Variants in TMEM182 observed in about 807,000 individuals in gnomAD.
TMEM182 encodes transmembrane protein 182.
TMEM182 carries 20 observed loss-of-function variants against 26.8 expected under a neutral mutation model. That is an observed-to-expected ratio of 0.75 (90% CI 0.53 to 1.09). The LOEUF is 1.09. Ranked by LOEUF, TMEM182 falls within the 50% of genes least tolerant of loss-of-function variation. TMEM182 has a pLI of 0.00. For missense variants in TMEM182, 277 were observed against 275.5 expected (o/e 1.01, Z -0.04); for synonymous variants, 109 against 102.2 (o/e 1.07, Z -0.40).
At chr2:102,737,898 A>G (rs1170012381) in intron 1 of TMEM182, among the ~76,000 whole-genome samples, 3 of 152,202 alleles carry the variant, frequency 2.0e-5, no homozygotes, top group Admixed American at 6.5e-5. Context: ...CAAAATCTCA[A>G]TTTACTTGTG....
At chr2:102,803,076 C>A (rs1682213813) in intron 4 of TMEM182, among the ~76,000 whole-genome samples, 1 of 152,168 alleles carries the variant, frequency 6.6e-6, no homozygotes, top group African/African-American at 2.4e-5. Flanking sequence ...GCCCCTATTC[C>A]AGGTCCAGGA....
chr2:102,821,608 A>G (rs1404885397), downstream of TMEM182, among the ~76,000 whole-genome samples: 1 of 152,112 alleles, frequency 6.6e-6, no homozygotes, highest in Non-Finnish European at 1.5e-5. Flanking sequence ...TTTATAAATC[A>G]CACAGTCTCG....
intron 3 of TMEM182, among the ~76,000 whole-genome samples, chr2:102,779,673 G>A (rs1335797293): frequency 6.6e-6 from 1 of 151,510 alleles, no homozygotes; most frequent in African/African-American, 2.4e-5. Context: ...TTTCCATTTG[G>A]TTCTTCATAC....
intron 1 of TMEM182, among the ~76,000 whole-genome samples, chr2:102,756,398 C>A (rs932958852): frequency 1.1e-4 from 17 of 152,130 alleles, no homozygotes; most frequent in Non-Finnish European, 2.2e-4. Context: ...AGCAGTATTC[C>A]CATTTTCCAT....
chr2:102,796,994 T>G (rs1681897347), intron 3 of TMEM182, among the ~76,000 whole-genome samples: 1 of 152,248 alleles, frequency 6.6e-6, no homozygotes, highest in Non-Finnish European at 1.5e-5. Context: ...TATTTTAGCT[T>G]TTTATCCTTT....
chr2:102,805,902 C>G (rs180741958), intron 4 of TMEM182, among the ~76,000 whole-genome samples: 1 of 151,964 alleles, frequency 6.6e-6, no homozygotes, highest in Non-Finnish European at 1.5e-5. Flanking sequence ...GAGATCCTGT[C>G]TCTAAAAAAA....
chr2:102,813,803 T>C (rs1682639475), intron 4 of TMEM182, among the ~76,000 whole-genome samples: 1 of 152,150 alleles, frequency 6.6e-6, no homozygotes, highest in South Asian at 2.1e-4. Context: ...CCAAGAGTGT[T>C]TGGAACCAGT....
chr2:102,809,693 T>G (rs1448814587), intron 4 of TMEM182, among the ~76,000 whole-genome samples: 1 of 152,226 alleles, frequency 6.6e-6, no homozygotes, highest in Non-Finnish European at 1.5e-5. Context: ...CCATCCTCTG[T>G]TGAAAATAGC....
chr2:102,742,717 A>T (rs534732346), intron 1 of TMEM182, among the ~76,000 whole-genome samples: 1 of 152,348 alleles, frequency 6.6e-6, no homozygotes, highest in South Asian at 2.1e-4. Flanking sequence ...AGGATAGAAA[A>T]TACAACTGTT....
intron 3 of TMEM182, among the ~76,000 whole-genome samples, chr2:102,766,974 G>A (rs1325860039): frequency 6.6e-6 from 1 of 152,176 alleles, no homozygotes; most frequent in African/African-American, 2.4e-5. Flanking sequence ...AGGAGACTGG[G>A]AATCAGAGAA....
At chr2:102,742,272 G>C (rs1679565829) in intron 1 of TMEM182, among the ~76,000 whole-genome samples, 1 of 152,090 alleles carries the variant, frequency 6.6e-6, no homozygotes, top group South Asian at 2.1e-4. Context: ...CAGTAGATTG[G>C]ATATAACCAG....
chr2:102,817,749 A>G (rs375424928), downstream of TMEM182: 135 of 975,092 alleles, frequency 1.4e-4, no homozygotes, highest in South Asian at 5.3e-3. Flanking sequence ...ATGTCTGTGT[A>G]TATTTGTGTG....
intron 3 of TMEM182, among the ~76,000 whole-genome samples, chr2:102,841,257 G>T (rs531323354): frequency 6.6e-6 from 1 of 152,184 alleles, no homozygotes; most frequent in African/African-American, 2.4e-5. Flanking sequence ...GGGCACCAGG[G>T]TCTGGGTATT....
Position 102,762,116 on chromosome 2 carries a change from ATT to A in TMEM182, c.-101_-100del, listed in dbSNP as rs1680235216. 1 of 1,036,670 alleles carries A rather than the reference ATT, an allele frequency of 9.6e-7. No individual in the cohort carries two copies. The allele number at this position is 1,036,670 out of a possible 1,614,324, so 64.2% of individuals were successfully genotyped here. A position where few individuals can be genotyped will look rare whatever the true frequency, so the allele number is the denominator to read the frequency against. On this transcript the variant is annotated 5_prime_UTR_variant, in exon 1 of 5. Coordinates refer to ENST00000412401, the MANE Select transcript of TMEM182 (RefSeq NM_144632.5). ...AAGAAGATTCTGCCAACTCAAAAAT[ATT>A]ATTCTTTTTTTTTTTTTTTTGCTGT...
At chr2:102,765,123 T>C (rs1316762894) in intron 3 of TMEM182, among the ~76,000 whole-genome samples, 1 of 152,088 alleles carries the variant, frequency 6.6e-6, no homozygotes, top group East Asian at 1.9e-4. Context: ...AGAGAAACAA[T>C]AGAACACATA....
At chr2:102,786,725 G>A (rs1681410599) in intron 3 of TMEM182, among the ~76,000 whole-genome samples, 1 of 152,082 alleles carries the variant, frequency 6.6e-6, no homozygotes, top group African/African-American at 2.4e-5. Flanking sequence ...ATTAACCTTG[G>A]GATTACAGGG....
At chr2:102,753,537 AT>A (rs11287442) in intron 1 of TMEM182, among the ~76,000 whole-genome samples, 70,193 of 151,694 alleles carry the variant, frequency 0.46, 16,738 homozygotes, top group African/African-American at 0.58. Context: ...ATGTATTTTT[AT>A]TTTTTAAAAA....
intron 3 of TMEM182, among the ~76,000 whole-genome samples, chr2:102,780,630 G>A (rs1681125590): frequency 6.6e-6 from 1 of 152,150 alleles, no homozygotes; most frequent in African/African-American, 2.4e-5. Context: ...TACTATCACT[G>A]TGGAGGGTGA....
chr2:102,778,188 T>C (rs1388732498), intron 3 of TMEM182, among the ~76,000 whole-genome samples: 1 of 152,008 alleles, frequency 6.6e-6, no homozygotes, highest in Non-Finnish European at 1.5e-5. Context: ...TTCATAGCTC[T>C]GTTTTTTTTA....
Sources: gnomAD v4.1 joint callset for allele counts (sites outside exome capture counted in the v4.1 genomes callset) on GRCh38, gnomAD v4.1.1 for gene constraint, MANE v1.5 for transcripts, NCBI Gene and HGNC (gene_info 2026-07-23, HGNC 2026-07-21) for gene names.